GC: variants seen among roughly 807,000 people sequenced by gnomAD.
GC encodes vitamin D-binding protein.
GC carries 43 observed loss-of-function variants against 56.7 expected under a neutral mutation model. That is an observed-to-expected ratio of 0.76 (90% CI 0.59 to 0.98). The LOEUF is 0.98. Ranked by LOEUF, GC falls within the 50% of genes least tolerant of loss-of-function variation. The probability of loss-of-function intolerance (pLI) is 0.00; values close to 1 mark genes in which losing one functional copy is unlikely to be tolerated. For missense variants in GC, 529 were observed against 545.9 expected (o/e 0.97, Z 0.31); for synonymous variants, 216 against 202.7 (o/e 1.07, Z -0.56).
chr4:71,784,883 A>G (rs1300095550), upstream of GC, among the ~76,000 whole-genome samples: 4 of 151,670 alleles, frequency 2.6e-5, no homozygotes, highest in African/African-American at 9.7e-5. Flanking sequence ...ATGAAATCCA[A>G]CATCTTCATT....
At chr4:71,760,210 A>AT (rs371580776) in intron 6 of GC, among the ~76,000 whole-genome samples, 10,709 of 140,614 alleles carry the variant, frequency 0.076, 994 homozygotes, top group African/African-American at 0.22. Flanking sequence ...TGCCTGGCTA[A>AT]TTTTTTTTTT....
At position 71,761,542 on chromosome 4, in the gene GC, C is replaced by T. The variant is rs1377923476; in HGVS notation, c.701+1866G>A. On this transcript the variant is annotated intron_variant, in intron 6 of 12. Transcript: ENST00000273951. The stretch of plus-strand genomic sequence containing the variant: ...AGTAACAAGGAGCTGAATGTTAATC[C>T]CCAATACAATGGGGGAAAATGTATC... Among the ~76,000 whole-genome samples, 8 of 152,090 alleles carry T rather than the reference C, an allele frequency of 5.3e-5. No homozygotes were observed. In the South Asian group the frequency reaches 1.5e-3, roughly 28 times the overall value.
At chr4:71,773,756 G>C (rs1230007814) in intron 1 of GC, among the ~76,000 whole-genome samples, 3 of 151,988 alleles carry the variant, frequency 2.0e-5, no homozygotes, top group Non-Finnish European at 4.4e-5. Flanking sequence ...ATCTCAAGTT[G>C]CTGTTTTCCT....
exon 1 of GC, chr4:71,803,968 C>T (rs1743306547): frequency 6.9e-7 from 1 of 1,455,358 alleles, no homozygotes; most frequent in Non-Finnish European, 9.3e-7. Context: ...TGGACTAGTC[C>T]AGATCATCAC....
At chr4:71,764,019 G>A in intron 4 of GC, 83 bp from the exon 5 acceptor site, 2 of 1,067,226 alleles carry the variant, frequency 1.9e-6, no homozygotes, top group Non-Finnish European at 2.9e-6. Context: ...GTCTTGCCCT[G>A]TCATCTAGGC....
chr4:71,795,260 T>A (rs1743069605), intron 1 of GC, among the ~76,000 whole-genome samples: 1 of 152,208 alleles, frequency 6.6e-6, no homozygotes, highest in South Asian at 2.1e-4. Context: ...CAGTGGCATG[T>A]TAAAGTCTCC....
intron 1 of GC, among the ~76,000 whole-genome samples, chr4:71,775,453 G>C (rs1742475810): frequency 6.6e-6 from 1 of 151,884 alleles, no homozygotes; most frequent in Admixed American, 6.6e-5. Context: ...TGCCTCCCTG[G>C]CTAGCCATGT....
At chr4:71,758,009 A>G in intron 7 of GC, 33 bp downstream of exon 7, 1 of 1,600,818 alleles carries the variant, frequency 6.2e-7, no homozygotes, top group Non-Finnish European at 8.5e-7. Flanking sequence ...AATACCTGGC[A>G]CATGGTGATA....
chr4:71,745,706 G>A (rs367628096), intron 12 of GC, among the ~76,000 whole-genome samples: 5 of 152,102 alleles, frequency 3.3e-5, no homozygotes, highest in African/African-American at 1.2e-4. Flanking sequence ...TGAAAATATA[G>A]TGACTGAAAA....
At chr4:71,781,063 G>C (rs865838804) in intron 1 of GC, among the ~76,000 whole-genome samples, 2 of 152,034 alleles carry the variant, frequency 1.3e-5, no homozygotes, top group African/African-American at 4.8e-5. Context: ...CCATAAAAAA[G>C]GATGAGTTCA....
chr4:71,765,689 C>T (rs1742135178), intron 3 of GC, 46 bp from the exon 4 acceptor site: 2 of 1,227,900 alleles, frequency 1.6e-6, no homozygotes, highest in Admixed American at 3.5e-5. Context: ...TGTAAATTTC[C>T]AGGCTTTTAG....
In GC at chr4:71,768,372, C is replaced by A; in HGVS notation, c.190G>T (p.Val64Leu). ...SGTFEQVSQLVKEVVSLTEAC... is the reference protein window; with the variant it reads ...SGTFEQVSQLLKEVVSLTEAC... ...TCGGTCAAGGAGACAACTTCCTTCACAAGTTGGCTGACCTGTTCAAACGTG... is the reference window on the plus strand; with the variant it reads ...TCGGTCAAGGAGACAACTTCCTTCAAAAGTTGGCTGACCTGTTCAAACGTG... The change falls in exon 3 of 13, where the codon GTG becomes TTG. Residue 64 changes from valine to leucine, a missense_variant. Val to Leu is a conservative substitution (Grantham distance 32). Coordinates refer to ENST00000273951, the MANE Select transcript of GC (RefSeq NM_000583.4). The A allele has an allele frequency of 6.2e-7, 1 of 1,613,392 alleles. No homozygotes were observed.
chr4:71,762,678 G>A (rs556448637), intron 6 of GC, among the ~76,000 whole-genome samples: 1 of 152,140 alleles, frequency 6.6e-6, no homozygotes, highest in Non-Finnish European at 1.5e-5. Context: ...GGTCTTTCCT[G>A]TGCTGTTCTC....
At chr4:71,804,377 G>A (rs993379435), upstream of GC, among the ~76,000 whole-genome samples, 2 of 152,168 alleles carry the variant, frequency 1.3e-5, no homozygotes, top group African/African-American at 4.8e-5. Context: ...GAGCAGTCAC[G>A]CAGTGTGGGC....
chr4:71,767,019 G>A (rs777054924), intron 3 of GC, among the ~76,000 whole-genome samples: 15 of 152,086 alleles, frequency 9.9e-5, no homozygotes, highest in Admixed American at 7.9e-4. Context: ...ATAAAAATGT[G>A]CTCTGTCATG....
At chr4:71,779,705 T>A (rs1039632134) in intron 1 of GC, among the ~76,000 whole-genome samples, 1 of 151,910 alleles carries the variant, frequency 6.6e-6, no homozygotes, top group East Asian at 1.9e-4. Context: ...TTACAGAGTG[T>A]GCACACTTCT....
chr4:71,760,676 G>A (rs933362638), intron 6 of GC, among the ~76,000 whole-genome samples: 2 of 152,178 alleles, frequency 1.3e-5, no homozygotes, highest in Non-Finnish European at 2.9e-5. Flanking sequence ...ATTCCCACAG[G>A]TGGTGGGAGA....
In GC at chr4:71,741,836, C is replaced by T. The variant is rs935991815; in HGVS notation, c.*60G>A. ...AGTGGTTTTGCTTAGGTTAGGTCAT[C>T]AGAGATCATTCCCCTGGGTGGCTCC... On this transcript the variant is annotated 3_prime_UTR_variant, in exon 13 of 13. Transcript: ENST00000273951. 6 of 702,806 alleles carry T rather than the reference C, an allele frequency of 8.5e-6. No individual in the cohort carries two copies. The highest frequency in any genetic ancestry group is 4.6e-4 in the Middle Eastern group (2 of 4,392). The allele number at this position is 702,806 out of a possible 1,614,324, so 43.5% of individuals were successfully genotyped here. A position where few individuals can be genotyped will look rare whatever the true frequency, so the allele number is the denominator to read the frequency against.
intron 12 of GC, among the ~76,000 whole-genome samples, chr4:71,744,850 A>T (rs1741309413): frequency 6.6e-6 from 1 of 152,220 alleles, no homozygotes; most frequent in South Asian, 2.1e-4. Context: ...ATAATTTAGC[A>T]GCAACAGAGA....
Sources: gnomAD v4.1 joint callset for allele counts (sites outside exome capture counted in the v4.1 genomes callset) on GRCh38, gnomAD v4.1.1 for gene constraint, MANE v1.5 for transcripts, NCBI Gene and HGNC (gene_info 2026-07-23, HGNC 2026-07-21) for gene names.